Variants in AAMDC observed in about 807,000 individuals in gnomAD.
AAMDC encodes the protein mth938 domain-containing protein.
In AAMDC, 16 loss-of-function variants were observed where a neutral mutation model predicts 15.5. The ratio of observed to expected loss-of-function variants is 1.03; its 90% CI spans 0.70 to 1.57. The LOEUF is 1.57. Among genes scored for constraint, AAMDC ranks in the 40% most tolerant of loss-of-function variants. AAMDC has a pLI of 0.00. For synonymous variants in AAMDC, 51 were observed against 51.6 expected (o/e 0.99, Z 0.05); for missense variants, 141 against 144.9 (o/e 0.97, Z 0.14).
chr11:77,875,048 A>G (rs1183468607), downstream of AAMDC, among the ~76,000 whole-genome samples: 1 of 152,108 alleles, frequency 6.6e-6, no homozygotes, highest in Non-Finnish European at 1.5e-5. Context: ...TCTCAAAAAA[A>G]AAAAAAAAGA....
At chr11:77,831,992 T>C (rs1949450541) in intron 1 of AAMDC, 1 of 151,244 alleles carries the variant, frequency 6.6e-6, no homozygotes, top group African/African-American at 2.4e-5. Context: ...ATTACAGGCA[T>C]GAGCCACCAC....
At chr11:77,858,367 T>C (rs1049891986) in intron 2 of AAMDC, among the ~76,000 whole-genome samples, 2 of 133,768 alleles carry the variant, frequency 1.5e-5, no homozygotes, top group Non-Finnish European at 3.1e-5. Flanking sequence ...AGAGCTCCCA[T>C]ACAAAGGGAG....
chr11:77,884,727 G>A (rs1336404288), intron 5 of AAMDC: 3 of 328,532 alleles, frequency 9.1e-6, no homozygotes, highest in Non-Finnish European at 1.9e-5. Flanking sequence ...TCAGGTCATG[G>A]GGCCTCCCCC....
At chr11:77,839,308 T>TTTTG (rs567800766) in intron 1 of AAMDC, among the ~76,000 whole-genome samples, 1 of 152,118 alleles carries the variant, frequency 6.6e-6, no homozygotes, top group Non-Finnish European at 1.5e-5. Context: ...CTTGGCTTTT[T>TTTTG]TTTGTTTGTT....
chr11:77,840,700 C>T (rs1291512432), intron 1 of AAMDC, among the ~76,000 whole-genome samples: 1 of 152,202 alleles, frequency 6.6e-6, no homozygotes, highest in African/African-American at 2.4e-5. Context: ...TGAGCCACCA[C>T]ACTCAGCCCC....
At chr11:77,843,309 G>A (rs1229981228) in intron 2 of AAMDC, among the ~76,000 whole-genome samples, 1 of 152,126 alleles carries the variant, frequency 6.6e-6, no homozygotes, top group Non-Finnish European at 1.5e-5. Context: ...CCAAGGTAGA[G>A]CCTCCTTTCC....
chr11:77,886,042 C>CA (rs946348263), intron 5 of AAMDC, among the ~76,000 whole-genome samples: 3 of 151,402 alleles, frequency 2.0e-5, no homozygotes, highest in Admixed American at 6.6e-5. Context: ...AATCTCCACA[C>CA]AAAAAAAATT....
intron 2 of AAMDC, chr11:77,866,554 T>G (rs1390450576): frequency 6.6e-6 from 1 of 152,192 alleles, no homozygotes; most frequent in Non-Finnish European, 1.5e-5. Context: ...AGTTCATCAC[T>G]TGAGTTCCAT....
rs1461435291 is a variant in AAMDC at position 77,868,515 on chromosome 11, C to T, written c.133-1207C>T. ...CTGGGACTACAGGCACGCGCCACCA[C>T]ACCCAGCTAATTTTTGTATTTTTAG... On this transcript the variant is annotated intron_variant, in intron 2 of 3. Transcript: ENST00000393427. Among the ~76,000 whole-genome samples, 3 of 151,732 alleles carry T rather than the reference C, an allele frequency of 2.0e-5. No homozygotes were observed. In the East Asian group the frequency reaches 5.8e-4, roughly 29 times the overall value.
At chr11:77,833,009 A>ATATATAT (rs372585188) in intron 1 of AAMDC, among the ~76,000 whole-genome samples, 1 of 60,036 alleles carries the variant, frequency 1.7e-5, no homozygotes, top group African/African-American at 7.0e-5. Context: ...ATATATATAT[A>ATATATAT]TTTTTTTTTT....
chr11:77,882,297 G>A (rs1253999206), intron 5 of AAMDC, among the ~76,000 whole-genome samples: 2 of 152,138 alleles, frequency 1.3e-5, no homozygotes, highest in Non-Finnish European at 1.5e-5. Context: ...GATACCTTAA[G>A]AGGAAATGGG....
chr11:77,876,779 T>C (rs765075709), downstream of AAMDC, among the ~76,000 whole-genome samples: 1 of 152,196 alleles, frequency 6.6e-6, no homozygotes, highest in Non-Finnish European at 1.5e-5. Flanking sequence ...AGACAGACAT[T>C]ATCTCAAAGC....
chr11:77,825,720 C>T lies in AAMDC; in HGVS notation c.-19+4479C>T, dbSNP rs148901475. On this transcript the variant is annotated intron_variant, in intron 1 of 3. Transcript: ENST00000393427. Reference sequence around the variant, plus strand: ...TTTGTTTTTTTTTTTTTGAGTCAGTCTCACTCTGTCGCCCTGGCTGGAGTG... The same window carrying T: ...TTTGTTTTTTTTTTTTTGAGTCAGTTTCACTCTGTCGCCCTGGCTGGAGTG... Among the ~76,000 whole-genome samples, 1,156 of 146,940 alleles carry T rather than the reference C, an allele frequency of 7.9e-3. 15 individuals carry two copies. The highest frequency in any genetic ancestry group is 0.027 in the African/African-American group (1,088 of 39,814).
At chr11:77,891,715 T>C in intron 5 of AAMDC, 1 of 1,612,028 alleles carries the variant, frequency 6.2e-7, no homozygotes, top group Non-Finnish European at 8.5e-7. Context: ...AAAGGCACTC[T>C]GTCGCAGCAT....
intron 5 of AAMDC, among the ~76,000 whole-genome samples, chr11:77,898,151 C>T (rs1310348290): frequency 6.6e-6 from 1 of 151,928 alleles, no homozygotes; most frequent in Non-Finnish European, 1.5e-5. Context: ...CAGTAAGAGG[C>T]CTTAACTGGC....
At chr11:77,861,756 T>A (rs1288998604) in intron 2 of AAMDC, among the ~76,000 whole-genome samples, 1 of 152,198 alleles carries the variant, frequency 6.6e-6, no homozygotes, top group Non-Finnish European at 1.5e-5. Context: ...GCCTCCAAAG[T>A]CCGCTTGCCT....
chr11:77,905,450 C>G (rs562533114), downstream of AAMDC, among the ~76,000 whole-genome samples: 1 of 150,738 alleles, frequency 6.6e-6, no homozygotes, highest in African/African-American at 2.4e-5. Flanking sequence ...TAAGCTGAGA[C>G]TCTGTCTCAA....
At chr11:77,861,058 G>A (rs562109527) in intron 2 of AAMDC, among the ~76,000 whole-genome samples, 7 of 152,208 alleles carry the variant, frequency 4.6e-5, no homozygotes, top group Admixed American at 1.3e-4. Flanking sequence ...CCTTTGGTAC[G>A]GAAAGGAGGC....
chr11:77,894,249 A>T (rs773488612), intron 5 of AAMDC: 3 of 1,089,596 alleles, frequency 2.8e-6, no homozygotes, highest in Non-Finnish European at 4.2e-6. Context: ...TACTCCATGT[A>T]ACCAAGATTT....
Sources: gnomAD v4.1 joint callset for allele counts (sites outside exome capture counted in the v4.1 genomes callset) on GRCh38, gnomAD v4.1.1 for gene constraint, MANE v1.5 for transcripts, NCBI Gene and HGNC (gene_info 2026-07-23, HGNC 2026-07-21) for gene names.